ROR1: variants seen among roughly 807,000 people sequenced by gnomAD.
The protein encoded by ROR1 is inactive tyrosine-protein kinase transmembrane receptor ROR1.
ROR1 carries 19 observed loss-of-function variants against 78.8 expected under a neutral mutation model. The observed-to-expected ratio is 0.24, with a 90% CI of 0.17 to 0.35. The LOEUF (loss-of-function observed/expected upper bound fraction) is 0.35, where lower values mean the gene tolerates loss of function less well. Ranked by LOEUF, ROR1 falls within the 10% of genes least tolerant of loss-of-function variation. The pLI is 1.00. For missense variants in ROR1, 917 were observed against 1,177.8 expected, an observed-to-expected ratio of 0.78 and a Z score of 3.24; for synonymous variants, 386 against 433.6, an observed-to-expected ratio of 0.89 and a Z score of 1.36.
chr1:64,082,280 T>C (rs532485986), intron 4 of ROR1, among the ~76,000 whole-genome samples: 3 of 152,270 alleles, frequency 2.0e-5, no homozygotes, highest in South Asian at 2.1e-4. Flanking sequence ...CATGGTGGCG[T>C]TGGGACATGC....
chr1:64,032,890 C>T (rs1646672935), intron 2 of ROR1, among the ~76,000 whole-genome samples: 1 of 152,002 alleles, frequency 6.6e-6, no homozygotes, highest in Admixed American at 6.6e-5. Context: ...CTGTATGACA[C>T]CACTTATATG....
intron 4 of ROR1, among the ~76,000 whole-genome samples, chr1:64,065,934 G>C (rs143186015): frequency 2.6e-5 from 4 of 152,166 alleles, no homozygotes; most frequent in African/African-American, 9.7e-5. Context: ...CTTTCAACCC[G>C]CTTGGCCTTG....
chr1:63,906,380 T>C (rs1645529133), intron 1 of ROR1, among the ~76,000 whole-genome samples: 1 of 152,160 alleles, frequency 6.6e-6, no homozygotes, highest in East Asian at 1.9e-4. Flanking sequence ...TCAAGATTTG[T>C]GTGTATGTGT....
At chr1:64,081,622 T>G (rs989462688) in intron 4 of ROR1, among the ~76,000 whole-genome samples, 5 of 151,706 alleles carry the variant, frequency 3.3e-5, no homozygotes, top group Admixed American at 3.3e-4. Flanking sequence ...AATAAAAAAA[T>G]TAGCCAGGTT....
At chr1:64,058,785 T>C (rs1351556663) in intron 4 of ROR1, among the ~76,000 whole-genome samples, 1 of 152,140 alleles carries the variant, frequency 6.6e-6, no homozygotes, top group Non-Finnish European at 1.5e-5. Flanking sequence ...AATATATTGG[T>C]CTGTGCTTTG....
intron 1 of ROR1, among the ~76,000 whole-genome samples, chr1:63,803,059 A>C (rs920343631): frequency 1.3e-5 from 2 of 152,224 alleles, no homozygotes; most frequent in Non-Finnish European, 2.9e-5. Context: ...TTTACAGCAC[A>C]GCTTATCTCA....
intron 1 of ROR1, among the ~76,000 whole-genome samples, chr1:63,789,712 C>T (rs926220863): frequency 6.4e-5 from 9 of 140,590 alleles, no homozygotes; most frequent in Non-Finnish European, 1.2e-4. Flanking sequence ...TAAACAGGCA[C>T]TGTCACTCTC....
chr1:64,002,161 G>T (rs1320053238), intron 1 of ROR1, among the ~76,000 whole-genome samples: 2 of 136,108 alleles, frequency 1.5e-5, no homozygotes, highest in Non-Finnish European at 3.1e-5. Context: ...TTGAGACGGA[G>T]TCTCGCTCTG....
chr1:63,950,955 A>G (rs1003566469), intron 1 of ROR1, among the ~76,000 whole-genome samples: 1 of 152,194 alleles, frequency 6.6e-6, no homozygotes, highest in African/African-American at 2.4e-5. Context: ...ACAACCAAAA[A>G]CCTTCATCGA....
chr1:64,107,108 T>C (rs556157050), intron 4 of ROR1: 1 of 152,330 alleles, frequency 6.6e-6, no homozygotes, highest in Admixed American at 6.5e-5. Context: ...ATAATAATAG[T>C]CAGAGGTACA....
At position 64,041,646 on chromosome 1, in the gene ROR1, G is replaced by A. The variant is rs187407843; in HGVS notation, c.164-8045G>A. 4.1e-3 allele frequency among the ~76,000 whole-genome samples: 622 copies of A among 152,276 alleles called. 3 individuals carry two copies. The highest frequency in any genetic ancestry group is 0.014 in the African/African-American group (596 of 41,554). ...TGTGTGTGTGTTCTCTCCCCAAAAAGGAGGCACATTATTGGCCATTTGTTG... is the reference window on the plus strand; with the variant it reads ...TGTGTGTGTGTTCTCTCCCCAAAAAAGAGGCACATTATTGGCCATTTGTTG... On this transcript the variant is annotated intron_variant, in intron 2 of 8. Transcript: ENST00000371079.
chr1:64,068,697 T>G (rs1278585770), intron 4 of ROR1, among the ~76,000 whole-genome samples: 1 of 152,190 alleles, frequency 6.6e-6, no homozygotes. Flanking sequence ...CTAAGTCTAG[T>G]TTTTTGACCT....
chr1:63,783,445 A>G (rs967168054), intron 1 of ROR1, among the ~76,000 whole-genome samples: 3 of 152,102 alleles, frequency 2.0e-5, no homozygotes, highest in Admixed American at 6.5e-5. Flanking sequence ...TAATTAACAC[A>G]CTGAGCATAC....
intron 1 of ROR1, among the ~76,000 whole-genome samples, chr1:63,894,360 A>C (rs1235557155): frequency 6.6e-6 from 1 of 152,196 alleles, no homozygotes; most frequent in African/African-American, 2.4e-5. Flanking sequence ...ACTACAGATA[A>C]GGGGGGAGAC....
At chr1:63,941,772 C>G (rs560190144) in intron 1 of ROR1, among the ~76,000 whole-genome samples, 7 of 152,144 alleles carry the variant, frequency 4.6e-5, no homozygotes, top group African/African-American at 1.7e-4. Context: ...GTTTATAAAC[C>G]ATGAGGAGAT....
chr1:64,132,689 G>T (rs1191371889), intron 4 of ROR1, among the ~76,000 whole-genome samples: 1 of 150,662 alleles, frequency 6.6e-6, no homozygotes, highest in Non-Finnish European at 1.5e-5. Flanking sequence ...GAACCCAGGA[G>T]GTGGAGGTTT....
chr1:63,824,539 A>G (rs1191625585), intron 1 of ROR1, among the ~76,000 whole-genome samples: 1 of 152,172 alleles, frequency 6.6e-6, no homozygotes, highest in African/African-American at 2.4e-5. Context: ...TCCCTGGGGT[A>G]GGGTCTCAGA....
intron 1 of ROR1, among the ~76,000 whole-genome samples, chr1:63,842,590 A>G (rs1453203585): frequency 6.6e-6 from 1 of 152,192 alleles, no homozygotes. Context: ...AAGGGCAGCC[A>G]GTGCTTTGCT....
chr1:64,068,706 C>T (rs1310987225), intron 4 of ROR1, among the ~76,000 whole-genome samples: 1 of 152,080 alleles, frequency 6.6e-6, no homozygotes, highest in African/African-American at 2.4e-5. Context: ...GTTTTTTGAC[C>T]TAATGGCTAG....
Sources: gnomAD v4.1 joint callset for allele counts (sites outside exome capture counted in the v4.1 genomes callset) on GRCh38, gnomAD v4.1.1 for gene constraint, MANE v1.5 for transcripts, NCBI Gene and HGNC (gene_info 2026-07-23, HGNC 2026-07-21) for gene names.